The following VWA3B variants were observed in gnomAD, a reference collection of about 807,000 sequenced individuals.
VWA3B encodes von Willebrand factor A domain-containing protein 3B.
VWA3B carries 138 observed loss-of-function variants against 158.3 expected under a neutral mutation model. The observed-to-expected ratio is 0.87, with a 90% CI of 0.76 to 1.00. The LOEUF (loss-of-function observed/expected upper bound fraction) is 1.00, where lower values mean the gene tolerates loss of function less well. Among genes scored for constraint, VWA3B ranks in the 50% least tolerant of loss-of-function variants. The probability of loss-of-function intolerance (pLI) is 0.00; values close to 1 mark genes in which losing one functional copy is unlikely to be tolerated. For synonymous variants in VWA3B, 596 were observed against 587.3 expected (o/e 1.01, Z -0.21); for missense variants, 1,555 against 1,565.1 (o/e 0.99, Z 0.11).
At chr2:98,202,358 A>G (rs550188993) in intron 12 of VWA3B, among the ~76,000 whole-genome samples, 27 of 152,026 alleles carry the variant, frequency 1.8e-4, no homozygotes, top group African/African-American at 6.0e-4. Flanking sequence ...GTGATGTTTG[A>G]TATTGGTAAT....
In VWA3B at chr2:98,312,590, A is replaced by G; in HGVS notation, c.*241A>G. 2.1e-6 allele frequency: 1 copy of G among 466,602 alleles called. No individual in the cohort carries two copies. Among genetic ancestry groups the G allele is most frequent in the Middle Eastern group, 5.4e-4 (1 of 1,866 alleles). 28.9% of individuals were successfully genotyped at this position (466,602 alleles called of 1,614,324 possible). A position where few individuals can be genotyped will look rare whatever the true frequency, so the allele number is the denominator to read the frequency against. On this transcript the variant is annotated 3_prime_UTR_variant, in exon 28 of 28. Coordinates refer to ENST00000477737, the MANE Select transcript of VWA3B (RefSeq NM_144992.5). ...TATCCTGTTTTCCCCCTGCACTCAC[A>G]AAATTGTATTCCATCTTCTGGTAGA...
chr2:98,113,199 G>T (rs564620969), intron 2 of VWA3B, among the ~76,000 whole-genome samples: 1 of 151,964 alleles, frequency 6.6e-6, no homozygotes, highest in South Asian at 2.1e-4. Context: ...CTTTGTTTAT[G>T]TATCTGATAA....
Position 98,087,187 on chromosome 2 carries a change from C to A in VWA3B, c.-209C>A, listed in dbSNP as rs561701812. ...GAACCAGAGGCGCGGGTCACAGAGA[C>A]CTAGAACAGCTGGAATCCTTCGCCC... On this transcript the variant is annotated 5_prime_UTR_variant, in exon 1 of 28. Transcript: ENST00000477737. 114 of 152,382 alleles carry A rather than the reference C, an allele frequency of 7.5e-4. No homozygotes were observed. The highest frequency in any genetic ancestry group is 2.7e-3 in the African/African-American group (112 of 41,576). 9.4% of individuals were successfully genotyped at this position (152,382 alleles called of 1,614,324 possible). A position where few individuals can be genotyped will look rare whatever the true frequency, so the allele number is the denominator to read the frequency against.
At chr2:98,159,143 C>G (rs536297055) in intron 7 of VWA3B, among the ~76,000 whole-genome samples, 1 of 152,204 alleles carries the variant, frequency 6.6e-6, no homozygotes, top group South Asian at 2.1e-4. Flanking sequence ...ACTAGCCAGT[C>G]TGAGAAGTCA....
At chr2:98,168,366 TACACACACATACAC>T (rs1679276173) in intron 8 of VWA3B, among the ~76,000 whole-genome samples, 1 of 107,684 alleles carries the variant, frequency 9.3e-6, no homozygotes, top group Admixed American at 1.0e-4. Context: ...TTCAATCTAA[TACACACACATACAC>T]ACACACACAC....
At chr2:98,103,518 A>T (rs1419606091) in intron 2 of VWA3B, among the ~76,000 whole-genome samples, 3 of 151,676 alleles carry the variant, frequency 2.0e-5, no homozygotes, top group Admixed American at 2.0e-4. Context: ...TTCCCTTGTG[A>T]TTTTTTTTCT....
chr2:98,290,428 A>G, intron 22 of VWA3B, 83 bp from the exon 23 acceptor site: 1 of 1,057,420 alleles, frequency 9.5e-7, no homozygotes, highest in Non-Finnish European at 1.4e-6. Context: ...GCCAAACCAT[A>G]TCACTAGGCT....
intron 5 of VWA3B, among the ~76,000 whole-genome samples, chr2:98,123,081 CAT>C (rs1362157910): frequency 2.0e-5 from 3 of 152,176 alleles, no homozygotes; most frequent in Admixed American, 6.5e-5. Context: ...TTAAAAAACA[CAT>C]GTGTGTGTGG....
At chr2:98,269,805 G>A (rs1422129470) in intron 21 of VWA3B, among the ~76,000 whole-genome samples, 3 of 152,172 alleles carry the variant, frequency 2.0e-5, no homozygotes, top group Non-Finnish European at 4.4e-5. Flanking sequence ...GAGGGCCTGG[G>A]TTTTTATTCC....
intron 5 of VWA3B, among the ~76,000 whole-genome samples, chr2:98,123,929 A>G (rs1360418678): frequency 6.6e-6 from 1 of 152,184 alleles, no homozygotes; most frequent in African/African-American, 2.4e-5. Flanking sequence ...TACCCAGAAG[A>G]TACCTGCATT....
chr2:98,285,768 C>T (rs1156968553), intron 22 of VWA3B, among the ~76,000 whole-genome samples: 3 of 151,764 alleles, frequency 2.0e-5, no homozygotes, highest in Non-Finnish European at 4.4e-5. Flanking sequence ...TTCAACTTCT[C>T]AATTTCTGCA....
chr2:98,262,467 A>G (rs1687547348), intron 21 of VWA3B, among the ~76,000 whole-genome samples: 2 of 151,770 alleles, frequency 1.3e-5, no homozygotes, highest in Non-Finnish European at 1.5e-5. Flanking sequence ...CAAGAGTCCA[A>G]CTTCATTCTT....
chr2:98,295,599 C>T (rs1217291985), intron 23 of VWA3B, among the ~76,000 whole-genome samples: 1 of 151,984 alleles, frequency 6.6e-6, no homozygotes, highest in Non-Finnish European at 1.5e-5. Flanking sequence ...GCTCTGGGCC[C>T]GCCAGCCTCT....
rs369890461 is a variant in VWA3B at position 98,130,111 on chromosome 2, T to C, written c.872+1703T>C. Reference sequence around the variant, plus strand: ...TAATAGGATAATAGTGGAGAGAAGGTCAGCAGGTAAACACATGAACAAATG... The same window carrying C: ...TAATAGGATAATAGTGGAGAGAAGGCCAGCAGGTAAACACATGAACAAATG... On this transcript the variant is annotated intron_variant, in intron 6 of 27. Coordinates refer to ENST00000477737, the MANE Select transcript of VWA3B (RefSeq NM_144992.5). 7.9e-5 allele frequency among the ~76,000 whole-genome samples: 12 copies of C among 152,240 alleles called. No homozygotes were observed. In the East Asian group the frequency reaches 1.2e-3, roughly 15 times the overall value.
At chr2:98,278,423 T>C (rs1444259777) in intron 22 of VWA3B, among the ~76,000 whole-genome samples, 1 of 152,192 alleles carries the variant, frequency 6.6e-6, no homozygotes, top group East Asian at 1.9e-4. Flanking sequence ...AACTCCTTGG[T>C]GTGACAGCCC....
chr2:98,115,309 C>T (rs1282030899), intron 2 of VWA3B, among the ~76,000 whole-genome samples: 4 of 151,582 alleles, frequency 2.6e-5, no homozygotes, highest in South Asian at 2.1e-4. Context: ...TGGGGGAAGG[C>T]GGGAGGGATA....
At position 98,265,328 on chromosome 2, in the gene VWA3B, A is replaced by G. The variant is rs571894027; in HGVS notation, c.2844-5354A>G. On this transcript the variant is annotated intron_variant, in intron 21 of 27. Coordinates refer to ENST00000477737, the MANE Select transcript of VWA3B (RefSeq NM_144992.5). Reference sequence around the variant, plus strand: ...TTGTTCTTGCGATAGTTTACTGAGAATGATGATTTCCAATTTCATCCATGT... The same window carrying G: ...TTGTTCTTGCGATAGTTTACTGAGAGTGATGATTTCCAATTTCATCCATGT... 5.2e-3 allele frequency among the ~76,000 whole-genome samples: 794 copies of G among 151,778 alleles called. 6 individuals carry two copies. The highest frequency in any genetic ancestry group is 7.4e-3 in the Non-Finnish European group (502 of 67,926).
chr2:98,216,865 A>T (rs1404626646), intron 13 of VWA3B: 4 of 1,124,556 alleles, frequency 3.6e-6, no homozygotes, highest in Non-Finnish European at 4.8e-6. Context: ...GGCCATTCAG[A>T]TGGGCAGTGC....
intron 12 of VWA3B, among the ~76,000 whole-genome samples, chr2:98,198,080 A>G (rs548122273): frequency 5.9e-4 from 90 of 151,906 alleles, no homozygotes; most frequent in Non-Finnish European, 5.1e-4. Context: ...ATAAACATCT[A>G]TATTTATTTA....
Sources: gnomAD v4.1 joint callset for allele counts (sites outside exome capture counted in the v4.1 genomes callset) on GRCh38, gnomAD v4.1.1 for gene constraint, MANE v1.5 for transcripts, NCBI Gene and HGNC (gene_info 2026-07-23, HGNC 2026-07-21) for gene names.